The following RHOJ variants were observed in gnomAD, a reference collection of about 807,000 sequenced individuals.
The protein encoded by RHOJ is ras homolog family member J.
Under a neutral mutation model 23.4 loss-of-function variants are expected in RHOJ, and 11 were observed. The ratio of observed to expected loss-of-function variants is 0.47; its 90% CI spans 0.30 to 0.78. RHOJ has a LOEUF of 0.78. RHOJ is among the 30% of genes least tolerant of loss of function. The probability of loss-of-function intolerance (pLI) is 0.08; values close to 1 mark genes in which losing one functional copy is unlikely to be tolerated. For synonymous variants in RHOJ, 102 were observed against 102.7 expected, an observed-to-expected ratio of 0.99 and a Z score of 0.04; for missense variants, 254 against 273.4, an observed-to-expected ratio of 0.93 and a Z score of 0.50.
chr14:63,279,489 A>C (rs1326029339), intron 2 of RHOJ, among the ~76,000 whole-genome samples: 1 of 152,258 alleles, frequency 6.6e-6, no homozygotes, highest in Non-Finnish European at 1.5e-5. Flanking sequence ...TTCTATTGAA[A>C]TATCAGGTTT....
intron 1 of RHOJ, among the ~76,000 whole-genome samples, chr14:63,241,499 G>A (rs910090937): frequency 2.4e-4 from 37 of 152,108 alleles, no homozygotes; most frequent in Admixed American, 2.0e-4. Context: ...TTCAAGGGAA[G>A]GTTTAAGATT....
At position 63,204,748 on chromosome 14, in the gene RHOJ, A is replaced by G. The variant is rs745373534; in HGVS notation, c.-122A>G. 14 of 936,282 alleles carry G rather than the reference A, an allele frequency of 1.5e-5. No homozygotes were observed. Among genetic ancestry groups the G allele is most frequent in the Non-Finnish European group, 2.3e-5 (14 of 606,818 alleles). The allele number at this position is 936,282 out of a possible 1,614,324, so 58.0% of individuals were successfully genotyped here. On this transcript the variant is annotated 5_prime_UTR_variant, in exon 1 of 5. Coordinates refer to ENST00000316754, the MANE Select transcript of RHOJ (RefSeq NM_020663.5). The stretch of plus-strand genomic sequence containing the variant: ...GCCTCGGACATGTCTGTATGATCCA[A>G]GGTACCCAAAGTCAGACAGAGTAAA...
In RHOJ at chr14:63,242,542, C is replaced by T. The variant is rs73266488; in HGVS notation, c.179-26568C>T. On this transcript the variant is annotated intron_variant, in intron 1 of 4. Transcript: ENST00000316754. ...ATGATTGTGCCACTGCACTCCAGGA[C>T]GACAGAGCAAGATCCTGTCTCAAAA... Among the ~76,000 whole-genome samples the T allele has an allele frequency of 1.7e-3, 260 of 152,078 alleles. 2 individuals are homozygous for T. The highest frequency in any genetic ancestry group is 5.6e-3 in the African/African-American group (233 of 41,484).
chr14:63,206,287 C>G (rs770889565), intron 1 of RHOJ, among the ~76,000 whole-genome samples: 1 of 152,112 alleles, frequency 6.6e-6, no homozygotes, highest in Non-Finnish European at 1.5e-5. Flanking sequence ...AAATTAAGAG[C>G]AAATTTTAAT....
At chr14:63,289,745 C>T (rs532083053) in intron 4 of RHOJ, among the ~76,000 whole-genome samples, 1 of 152,288 alleles carries the variant, frequency 6.6e-6, no homozygotes, top group South Asian at 2.1e-4. Flanking sequence ...GATTATCAAA[C>T]ACACCATAGT....
chr14:63,237,160 G>A (rs1459725781), intron 1 of RHOJ, among the ~76,000 whole-genome samples: 3 of 152,104 alleles, frequency 2.0e-5, no homozygotes, highest in Non-Finnish European at 4.4e-5. Flanking sequence ...AACTTGAATA[G>A]ACAAAAGAAG....
At position 63,270,631 on chromosome 14, in the gene RHOJ, C is replaced by A. The variant is rs369445049; in HGVS notation, c.237+1463C>A. 3.3e-5 allele frequency among the ~76,000 whole-genome samples: 5 copies of A among 152,160 alleles called. No individual in the cohort carries two copies. The East Asian group carries it at 9.6e-4, about 29-fold the overall frequency. ...ACACCACTTTGGAGGCCAAAGTTGCCTGCTCTAATTCACTCACATAATCAC... is the reference window on the plus strand; with the variant it reads ...ACACCACTTTGGAGGCCAAAGTTGCATGCTCTAATTCACTCACATAATCAC... On this transcript the variant is annotated intron_variant, in intron 2 of 4. Transcript: ENST00000316754.
chr14:63,281,455 T>C (rs1881897305), intron 3 of RHOJ, among the ~76,000 whole-genome samples: 1 of 152,044 alleles, frequency 6.6e-6, no homozygotes, highest in Admixed American at 6.6e-5. Flanking sequence ...AGGGTGTCAA[T>C]TGAACATATT....
At chr14:63,251,496 G>A (rs1439211434) in intron 1 of RHOJ, among the ~76,000 whole-genome samples, 1 of 152,126 alleles carries the variant, frequency 6.6e-6, no homozygotes, top group Non-Finnish European at 1.5e-5. Context: ...CCTGAGAGAG[G>A]AACACAAGCC....
intron 1 of RHOJ, among the ~76,000 whole-genome samples, chr14:63,260,877 CTT>C (rs1446246448): frequency 1.3e-5 from 2 of 151,854 alleles, no homozygotes; most frequent in Non-Finnish European, 2.9e-5. Context: ...CAAATGCCCT[CTT>C]GATATAAATA....
intron 1 of RHOJ, among the ~76,000 whole-genome samples, chr14:63,236,256 A>C (rs1031254986): frequency 1.3e-5 from 2 of 152,180 alleles, no homozygotes; most frequent in East Asian, 1.9e-4. Context: ...TAAGCCAGCT[A>C]TGGTGGTAGA....
chr14:63,213,805 G>A (rs1421690979), intron 1 of RHOJ, among the ~76,000 whole-genome samples: 1 of 152,066 alleles, frequency 6.6e-6, no homozygotes, highest in Non-Finnish European at 1.5e-5. Flanking sequence ...GCTTTGTGGT[G>A]CTCTGTATCT....
intron 2 of RHOJ, among the ~76,000 whole-genome samples, chr14:63,275,418 C>T (rs1881685486): frequency 6.6e-6 from 1 of 152,192 alleles, no homozygotes; most frequent in Admixed American, 6.5e-5. Flanking sequence ...TTTCACTTAC[C>T]TGTGTCATGA....
chr14:63,269,057 T>C, intron 1 of RHOJ, 53 bp from the exon 2 acceptor site: 1 of 1,301,778 alleles, frequency 7.7e-7, no homozygotes, highest in Non-Finnish European at 1.1e-6. Context: ...GGCTCCTGAT[T>C]GAAGCTTGTG....
intron 1 of RHOJ, among the ~76,000 whole-genome samples, chr14:63,230,007 C>A (rs1402352840): frequency 6.6e-6 from 1 of 152,098 alleles, no homozygotes; most frequent in African/African-American, 2.4e-5. Context: ...TCTCTCCTTT[C>A]AATTTCTGGG....
intron 2 of RHOJ, among the ~76,000 whole-genome samples, chr14:63,278,706 G>T (rs936756443): frequency 6.6e-6 from 1 of 152,102 alleles, no homozygotes; most frequent in Admixed American, 6.5e-5. Context: ...AAATGGGCCA[G>T]GTATGGTGAC....
intron 4 of RHOJ, among the ~76,000 whole-genome samples, chr14:63,288,963 T>A (rs1374051761): frequency 6.6e-6 from 1 of 152,212 alleles, no homozygotes; most frequent in East Asian, 1.9e-4. Context: ...TCACAGTTAC[T>A]GCCACAGAGC....
At chr14:63,269,614 G>A (rs1464269337) in intron 2 of RHOJ, among the ~76,000 whole-genome samples, 1 of 152,150 alleles carries the variant, frequency 6.6e-6, no homozygotes, top group Admixed American at 6.5e-5. Context: ...GGGGTGAGGG[G>A]AGGAGAGAGG....
chr14:63,231,786 T>C (rs1894700338), intron 1 of RHOJ, among the ~76,000 whole-genome samples: 1 of 152,248 alleles, frequency 6.6e-6, no homozygotes, highest in Admixed American at 6.5e-5. Flanking sequence ...TATTGTTGTT[T>C]CTGTTCATGT....
Sources: allele counts gnomAD v4.1 joint callset (sites outside exome capture counted in the v4.1 genomes callset), GRCh38; gene constraint gnomAD v4.1.1; transcripts MANE v1.5; gene names NCBI Gene and HGNC (gene_info 2026-07-23, HGNC 2026-07-21).